The following TEX15 variants were observed in gnomAD, a reference collection of about 807,000 sequenced individuals.
TEX15 encodes the protein testis expressed 15, meiosis and synapsis associated.
A neutral mutation model predicts 237.3 loss-of-function variants in TEX15; 171 were observed. The observed-to-expected ratio is 0.72, with a 90% confidence interval of 0.64 to 0.82. The LOEUF (loss-of-function observed/expected upper bound fraction) is 0.82. Among genes scored for constraint, TEX15 ranks in the 40% least tolerant of loss-of-function variants. TEX15 has a pLI of 0.00. For missense variants in TEX15, 3,750 were observed against 3,646.5 expected (o/e 1.03, Z -0.73); for synonymous variants, 1,338 against 1,269.8 (o/e 1.05, Z -1.14).
chr8:30,860,167 G>T (rs892317045), intron 5 of TEX15, 110 bp from the exon 6 acceptor site: 8 of 982,360 alleles, frequency 8.1e-6, no homozygotes, highest in Non-Finnish European at 9.9e-6. Flanking sequence ...TCTGAGACAG[G>T]GTCTCACTCT....
In TEX15 at chr8:30,837,306, T is replaced by C; in HGVS notation, c.8978A>G (p.Glu2993Gly). The C allele has an allele frequency of 6.2e-7, 1 of 1,614,198 alleles. No homozygotes were observed. The change falls in exon 10 of 11, where the codon GAG (glutamate) becomes GGG (glycine). Residue 2993 changes from glutamate (E) to glycine (G), a missense_variant. Transcript: ENST00000643185. ...ATTCTGTTGTTCAGAAAGAGAGTAC[T>C]CTGCTCCTTGATTCACATTAAGGGT... Reference protein sequence around the residue: ...HITLNVNQGAEYSLSEQQNDK... With the variant: ...HITLNVNQGAGYSLSEQQNDK...
At chr8:30,871,072 T>G (rs1808281934) in intron 4 of TEX15, among the ~76,000 whole-genome samples, 1 of 152,058 alleles carries the variant, frequency 6.6e-6, no homozygotes, top group Non-Finnish European at 1.5e-5. Flanking sequence ...ATCTTTTTTC[T>G]TTCATCTCTG....
chr8:30,844,737 C>T lies in TEX15; in HGVS notation c.5430G>A (p.Val1810=), dbSNP rs1807553438. 1 of 1,612,982 alleles carries T rather than the reference C, an allele frequency of 6.2e-7. No homozygotes were observed. Among genetic ancestry groups the T allele is most frequent in the South Asian group, 1.1e-5 (1 of 91,046 alleles). Residue 1810 remains valine, a synonymous_variant, in exon 8 of 11, where the codon GTG becomes GTA. Transcript: ENST00000643185. ...GAGAACTATCACTGGAAGATAATTC[C>T]ACTATATTTTCCCCATAACTTTTAT... ...EEDKSYGENI[V]ELSSSDSSLL... is the part of the protein sequence containing the mutation.
In TEX15 at chr8:30,848,479, C is replaced by G. The variant is rs771366861; in HGVS notation, c.1688G>C (p.Arg563Thr). Residue 563 changes from arginine to threonine, a missense_variant, in exon 8 of 11, where the codon AGA becomes ACA. Transcript: ENST00000643185. ...AGCATTACCGGACTCCTGTTGGGCT[C>G]TCTGAGCCTTCTCCTCACTGTGGTT... ...NQNHSEEKAQ[R>T]AQQESGNAYT... The G allele has an allele frequency of 6.2e-7, 1 of 1,614,032 alleles. No individual in the cohort carries two copies. The highest frequency in any genetic ancestry group is 8.5e-7 in the Non-Finnish European group (1 of 1,180,018).
chr8:30,836,241 G>T (rs1807296033), intron 10 of TEX15, among the ~76,000 whole-genome samples: 2 of 110,522 alleles, frequency 1.8e-5, no homozygotes, highest in African/African-American at 7.5e-5. Context: ...TTGAGGTCGA[G>T]TCTCGTTCTA....
At chr8:30,881,509 C>G (rs1025166845) in intron 3 of TEX15, among the ~76,000 whole-genome samples, 7 of 150,216 alleles carry the variant, frequency 4.7e-5, no homozygotes, top group Non-Finnish European at 1.0e-4. Context: ...TTTATGGCTT[C>G]TTTTTCCTTT....
chr8:30,885,037 G>A (rs142966868), intron 3 of TEX15, among the ~76,000 whole-genome samples: 1 of 151,918 alleles, frequency 6.6e-6, no homozygotes, highest in Admixed American at 6.6e-5. Flanking sequence ...TTAGTTCAAG[G>A]TATTTTAACA....
In TEX15 at chr8:30,849,025, AT is replaced by A; in HGVS notation, c.1141del (p.Ile381PhefsTer18). On this transcript the variant is annotated frameshift_variant, in exon 8 of 11. Transcript: ENST00000643185. LOFTEE classifies it high-confidence loss of function. ...TTTGGCATCACTGGGCATAAGTGAA[AT>A]GTCTGAATCATGTGCAAGTACTTGA... ...TSQVLAHDSD[I>X]SLMPSDAKDS... 2.5e-6 allele frequency: 4 copies of A among 1,614,202 alleles called. No individual in the cohort carries two copies. Among genetic ancestry groups the A allele is most frequent in the Non-Finnish European group, 3.4e-6 (4 of 1,180,032 alleles).
chr8:30,849,578 T>C (rs1807722464), intron 7 of TEX15, among the ~76,000 whole-genome samples: 1 of 151,656 alleles, frequency 6.6e-6, no homozygotes, highest in African/African-American at 2.4e-5. Flanking sequence ...TTCTGACAAA[T>C]AATAGAAAAA....
chr8:30,896,579 G>T, intron 2 of TEX15, among the ~76,000 whole-genome samples: 1 of 150,346 alleles, frequency 6.7e-6, no homozygotes. Context: ...CTCCCCAAAA[G>T]AATGCCCCCA....
intron 3 of TEX15, among the ~76,000 whole-genome samples, chr8:30,876,757 C>T (rs191556912): frequency 8.5e-5 from 13 of 152,232 alleles, no homozygotes; most frequent in Admixed American, 8.5e-4. Context: ...AAATCACCAA[C>T]AAAAATGTTA....
intron 3 of TEX15, among the ~76,000 whole-genome samples, chr8:30,883,873 G>A (rs1344606424): frequency 1.3e-5 from 2 of 152,112 alleles, no homozygotes; most frequent in Non-Finnish European, 1.5e-5. Flanking sequence ...CCCAGTAATC[G>A]GACTGCTGGG....
In TEX15 at chr8:30,846,554, T is replaced by A; in HGVS notation, c.3613A>T (p.Ile1205Phe). The A allele has an allele frequency of 4.3e-6, 7 of 1,613,792 alleles. No individual in the cohort carries two copies. Among genetic ancestry groups the A allele is most frequent in the Non-Finnish European group, 5.9e-6 (7 of 1,179,752 alleles). The change falls in exon 8 of 11, where the codon ATT becomes TTT. Residue 1205 changes from isoleucine to phenylalanine, a missense_variant. Coordinates refer to ENST00000643185, the MANE Select transcript of TEX15 (RefSeq NM_001350162.2). The stretch of plus-strand genomic sequence containing the variant: ...TTTTCACCAAAAGGCTGGGAATAAA[T>A]GTCAAATCCTAGAATTTCTCCATCT... ...KEDGEILGFD[I>F]YSQPFGENAD...
chr8:30,869,283 ACT>A (rs2128772160), intron 4 of TEX15, among the ~76,000 whole-genome samples: 2 of 151,970 alleles, frequency 1.3e-5, no homozygotes, highest in African/African-American at 4.8e-5. Context: ...GAGCCTAAAG[ACT>A]CTTTTCTGTA....
At chr8:30,896,693 T>C (rs946354155) in intron 2 of TEX15, among the ~76,000 whole-genome samples, 27 of 152,308 alleles carry the variant, frequency 1.8e-4, no homozygotes, top group East Asian at 1.9e-4. Flanking sequence ...CAGAAAGATA[T>C]GCAGTATCAA....
chr8:30,861,134 T>A (rs1477896463), intron 5 of TEX15, among the ~76,000 whole-genome samples: 1 of 152,100 alleles, frequency 6.6e-6, no homozygotes, highest in Non-Finnish European at 1.5e-5. Flanking sequence ...ATATTAAAGA[T>A]ACCGTTTGAA....
rs1807338255 is a variant in TEX15, at chr8:30,837,581, A to T, written c.8703T>A (p.Phe2901Leu). The T allele has an allele frequency of 6.2e-7, 1 of 1,614,026 alleles. No individual in the cohort carries two copies. The highest frequency in any genetic ancestry group is 1.3e-5 in the African/African-American group (1 of 74,936). Residue 2901 changes from phenylalanine to leucine, a missense_variant, in exon 10 of 11, where the codon TTT becomes TTA. By Grantham distance (22) the Phe-to-Leu change is conservative. Transcript: ENST00000643185. The part of the protein sequence containing the change: ...ASVLSKPIFC[F>L]VKDVHPDLEM... ...CTAGATCAGGATGGACATCTTTCAC[A>T]AAACAGAAAATTGGCTTTGAGAGCA...
chr8:30,837,707 A>C lies in TEX15; in HGVS notation c.8577T>G (p.Leu2859=), dbSNP rs1807342035. ...HGTFSPDHGT[L]LQKFLKNSPD... ...GGGAATTTTTAAGAAATTTCTGCAA[A>C]AGCGTCCCATGGTCTGGTGAAAATG... The change falls in exon 10 of 11, where the codon CTT becomes CTG. Residue 2859 remains leucine, a synonymous_variant. Transcript: ENST00000643185. 6.2e-7 allele frequency: 1 copy of C among 1,614,018 alleles called. No homozygotes were observed. Among genetic ancestry groups the C allele is most frequent in the Non-Finnish European group, 8.5e-7 (1 of 1,179,962 alleles).
intron 9 of TEX15, 105 bp downstream of exon 9, chr8:30,839,801 T>C (rs1807400406): frequency 1.6e-6 from 1 of 642,446 alleles, no homozygotes. Flanking sequence ...AAGTTACATG[T>C]ATGATCCAAT....
Sources: allele counts gnomAD v4.1 joint callset (sites outside exome capture counted in the v4.1 genomes callset), GRCh38; gene constraint gnomAD v4.1.1; transcripts MANE v1.5; gene names NCBI Gene and HGNC (gene_info 2026-07-23, HGNC 2026-07-21).